Variants in GRIA4 observed in about 807,000 individuals in gnomAD.
GRIA4 encodes the protein glutamate receptor 4.
In GRIA4, 34 loss-of-function variants were observed where a neutral mutation model predicts 104.0. The ratio of observed to expected loss-of-function variants is 0.33; its 90% confidence interval spans 0.25 to 0.44. The LOEUF (loss-of-function observed/expected upper bound fraction) is 0.44, where lower values mean the gene tolerates loss of function less well. GRIA4 is among the 20% of genes least tolerant of loss of function. The probability of loss-of-function intolerance (pLI) is 1.00; values close to 1 mark genes in which losing one functional copy is unlikely to be tolerated. For missense variants in GRIA4, 750 were observed against 1,096.5 expected (o/e 0.68, Z 4.46); for synonymous variants, 386 against 381.9 (o/e 1.01, Z -0.13).
chr11:105,671,203 T>C (rs772543396), intron 3 of GRIA4, among the ~76,000 whole-genome samples: 42 of 152,138 alleles, frequency 2.8e-4, no homozygotes, highest in Non-Finnish European at 5.6e-4. Context: ...TATTCACAGG[T>C]ACCAGGTGTT....
intron 10 of GRIA4, chr11:105,912,440 T>C: frequency 1.0e-6 from 1 of 966,856 alleles, no homozygotes; most frequent in Non-Finnish European, 1.2e-6. Flanking sequence ...ACTGAATTAA[T>C]TTTGCAAGCA....
intron 3 of GRIA4, among the ~76,000 whole-genome samples, chr11:105,712,804 C>T (rs969361833): frequency 7.3e-5 from 11 of 151,494 alleles, no homozygotes; most frequent in Non-Finnish European, 4.4e-5. Context: ...TGGCCTTAGG[C>T]CATTCCTCAT....
intron 14 of GRIA4, 151 bp downstream of exon 14, chr11:105,934,120 A>G (rs1014753309): frequency 1.1e-5 from 8 of 720,372 alleles, no homozygotes; most frequent in South Asian, 2.1e-5. Context: ...TTGGTCAACA[A>G]TCAGGTAATT....
Position 105,639,469 on chromosome 11 carries a change from A to G in GRIA4, c.247+27035A>G, listed in dbSNP as rs369407449. ...ATGACTAGAGTCAATTATTTCTCGTATGTCACAGTATTTTTGAAAATAGAA... is the reference window on the plus strand; with the variant it reads ...ATGACTAGAGTCAATTATTTCTCGTGTGTCACAGTATTTTTGAAAATAGAA... On this transcript the variant is annotated intron_variant, in intron 3 of 16. Transcript: ENST00000282499. 1.2e-4 allele frequency among the ~76,000 whole-genome samples: 19 copies of G among 152,096 alleles called. 1 individual carries two copies. The highest frequency in any genetic ancestry group is 4.6e-4 in the African/African-American group (19 of 41,570).
intron 4 of GRIA4, among the ~76,000 whole-genome samples, chr11:105,782,063 C>T (rs1458048525): frequency 1.3e-5 from 2 of 152,122 alleles, no homozygotes; most frequent in East Asian, 1.9e-4. Flanking sequence ...AATTTGAGAC[C>T]TGTACAATCA....
In GRIA4 at chr11:105,855,089, C is replaced by T. The variant is rs114846744; in HGVS notation, c.488-6935C>T. Among the ~76,000 whole-genome samples, 602 of 152,264 alleles carry T rather than the reference C, an allele frequency of 4.0e-3. 3 individuals are homozygous for T. Among genetic ancestry groups the T allele is most frequent in the African/African-American group, 0.014 (575 of 41,548 alleles). Reference sequence around the variant, plus strand: ...AATAATTTATTAAGCATTCTCCAAGCTCCTGCCTCTGTGCCTTTGCTTTAT... The same window carrying T: ...AATAATTTATTAAGCATTCTCCAAGTTCCTGCCTCTGTGCCTTTGCTTTAT... On this transcript the variant is annotated intron_variant, in intron 4 of 16. Transcript: ENST00000282499.
At chr11:105,924,329 A>G in intron 11 of GRIA4, 70 bp from the exon 12 acceptor site, 1 of 1,172,514 alleles carries the variant, frequency 8.5e-7, no homozygotes. Context: ...CTTTAAATGG[A>G]TCATTCCAGT....
In GRIA4 at chr11:105,628,994, A is replaced by T. The variant is rs1950961133; in HGVS notation, c.247+16560A>T. On this transcript the variant is annotated intron_variant, in intron 3 of 16. Transcript: ENST00000282499. ...TAAGGAACTTCAGCAAAGTCTCAGG[A>T]TACAAAATCAATGTGCAAAAATTAT... 2.0e-5 allele frequency among the ~76,000 whole-genome samples: 3 copies of T among 151,986 alleles called. No individual in the cohort carries two copies. In the South Asian group the frequency reaches 6.2e-4, roughly 32 times the overall value.
chr11:105,739,159 C>T (rs1939153695), intron 3 of GRIA4, among the ~76,000 whole-genome samples: 1 of 152,122 alleles, frequency 6.6e-6, no homozygotes, highest in African/African-American at 2.4e-5. Context: ...TGGAATCTTG[C>T]TCCTCGTGCT....
intron 14 of GRIA4, among the ~76,000 whole-genome samples, chr11:105,969,261 A>G (rs532079331): frequency 6.6e-6 from 1 of 152,298 alleles, no homozygotes; most frequent in Non-Finnish European, 1.5e-5. Context: ...AGTACAGAAA[A>G]TATGCATTCA....
At chr11:105,929,585 T>G (rs1247657112) in intron 13 of GRIA4, among the ~76,000 whole-genome samples, 1 of 152,152 alleles carries the variant, frequency 6.6e-6, no homozygotes, top group Non-Finnish European at 1.5e-5. Flanking sequence ...TCAATGCAGT[T>G]TTATCCTGTG....
chr11:105,618,246 T>C (rs1202780159), intron 3 of GRIA4, among the ~76,000 whole-genome samples: 4 of 151,928 alleles, frequency 2.6e-5, no homozygotes, highest in Non-Finnish European at 5.9e-5. Context: ...CCATAAATGA[T>C]TGGAACACAA....
chr11:105,738,582 C>T (rs1939105217), intron 3 of GRIA4, among the ~76,000 whole-genome samples: 1 of 152,124 alleles, frequency 6.6e-6, no homozygotes, highest in Non-Finnish European at 1.5e-5. Flanking sequence ...ACTCAAATAT[C>T]TGCCCAAATA....
chr11:105,888,726 A>G (rs542226436), intron 6 of GRIA4, among the ~76,000 whole-genome samples: 1 of 152,032 alleles, frequency 6.6e-6, no homozygotes, highest in African/African-American at 2.4e-5. Flanking sequence ...TGAGACAGGA[A>G]TTTTCGGTCT....
At chr11:105,637,019 A>G (rs1050295215) in intron 3 of GRIA4, among the ~76,000 whole-genome samples, 1 of 152,218 alleles carries the variant, frequency 6.6e-6, no homozygotes, top group Non-Finnish European at 1.5e-5. Flanking sequence ...TGATATTGTT[A>G]ATCTAAAATC....
At chr11:105,818,043 A>G (rs545022378) in intron 4 of GRIA4, among the ~76,000 whole-genome samples, 1 of 152,268 alleles carries the variant, frequency 6.6e-6, no homozygotes, top group Admixed American at 6.5e-5. Flanking sequence ...TGGAATTAGA[A>G]AGACAAAGGA....
intron 3 of GRIA4, among the ~76,000 whole-genome samples, chr11:105,728,397 T>G (rs1192621508): frequency 6.6e-6 from 1 of 151,766 alleles, no homozygotes; most frequent in Non-Finnish European, 1.5e-5. Context: ...TCCCACACAA[T>G]AATAGTGGGA....
At chr11:105,669,250 GC>G (rs1371643312) in intron 3 of GRIA4, among the ~76,000 whole-genome samples, 1 of 151,710 alleles carries the variant, frequency 6.6e-6, no homozygotes, top group Admixed American at 6.6e-5. Flanking sequence ...CTGTGTACCA[GC>G]TTTACACCAG....
Position 105,753,103 on chromosome 11 carries a change from A to G in GRIA4, c.370A>G (p.Thr124Ala), listed in dbSNP as rs758557496. ...CTCCCTCATCACACCAAGTTTCCCTACTGAGGGGGAGAGCCAGTTTGTGCT... is the reference window on the plus strand; with the variant it reads ...CTCCCTCATCACACCAAGTTTCCCTGCTGAGGGGGAGAGCCAGTTTGTGCT... ...HISLITPSFP[T>A]EGESQFVLQL... The change falls in exon 4 of 17, where the codon ACT becomes GCT. Residue 124 changes from threonine to alanine, a missense_variant. By Grantham distance (58) the Thr-to-Ala change is moderately conservative. This residue lies in a region of GRIA4 where 410 missense variants were observed against 502.7 expected (regional missense o/e 0.82). Transcript: ENST00000282499. 2 of 1,613,756 alleles carry G rather than the reference A, an allele frequency of 1.2e-6. No homozygotes were observed. Among genetic ancestry groups the G allele is most frequent in the South Asian group, 2.2e-5 (2 of 91,074 alleles).
Sources: allele counts gnomAD v4.1 joint callset (sites outside exome capture counted in the v4.1 genomes callset), GRCh38; gene constraint gnomAD v4.1.1; regional missense constraint gnomAD v4.1.1; transcripts MANE v1.5; gene names NCBI Gene and HGNC (gene_info 2026-07-23, HGNC 2026-07-21).